Variants in MBNL1 observed in about 807,000 individuals in gnomAD.
The protein encoded by MBNL1 is muscleblind-like protein 1.
A neutral mutation model predicts 42.2 loss-of-function variants in MBNL1; 8 were observed. The observed-to-expected ratio is 0.19, with a 90% CI of 0.11 to 0.34. The LOEUF (loss-of-function observed/expected upper bound fraction) is 0.34, where lower values mean the gene tolerates loss of function less well. MBNL1 is among the 10% of genes least tolerant of loss of function. The pLI, the probability that MBNL1 is intolerant of heterozygous loss-of-function variation, is 1.00. For synonymous variants in MBNL1, 169 were observed against 173.9 expected (o/e 0.97, Z 0.22); for missense variants, 309 against 495.3 (o/e 0.62, Z 3.57).
intron 2 of MBNL1, among the ~76,000 whole-genome samples, chr3:152,402,480 C>T (rs2098268751): frequency 1.3e-5 from 2 of 152,166 alleles, no homozygotes; most frequent in Admixed American, 1.3e-4. Context: ...AACCATTGAG[C>T]TGGGACTGTA....
intron 8 of MBNL1, 118 bp from the exon 9 acceptor site, chr3:152,459,153 C>A: frequency 1.9e-6 from 1 of 537,382 alleles, no homozygotes; most frequent in Non-Finnish European, 3.3e-6. Flanking sequence ...CAGATAAGGA[C>A]TATCACCTCA....
At chr3:152,427,023 C>G (rs2098941830) in intron 3 of MBNL1, among the ~76,000 whole-genome samples, 1 of 152,184 alleles carries the variant, frequency 6.6e-6, no homozygotes, top group Non-Finnish European at 1.5e-5. Flanking sequence ...TCCACTTTAT[C>G]CAGGTAATGG....
intron 2 of MBNL1, among the ~76,000 whole-genome samples, chr3:152,348,746 A>G (rs749475403): frequency 5.3e-5 from 8 of 152,086 alleles, no homozygotes; most frequent in Non-Finnish European, 1.2e-4. Context: ...TTCTAGCCCC[A>G]TTTTCATTTG....
At chr3:152,374,548 C>T (rs1037323694) in intron 2 of MBNL1, among the ~76,000 whole-genome samples, 11 of 152,252 alleles carry the variant, frequency 7.2e-5, no homozygotes, top group Middle Eastern at 3.4e-3. Flanking sequence ...CCTTATATGC[C>T]GTGACCATTC....
Position 152,432,708 on chromosome 3 carries a change from A to AT in MBNL1, c.346-4dup. The AT allele has an allele frequency of 6.2e-7, 1 of 1,613,878 alleles. No individual in the cohort carries two copies. On this transcript the variant is annotated splice_polypyrimidine_tract_variant and intron_variant, in intron 3 of 9. Transcript: ENST00000324210. ...GCATGTTAAATTTTGCTTTTATTTT[A>AT]TTTTTCAGCCAATGTTTTCAGTTGC...
intron 2 of MBNL1, among the ~76,000 whole-genome samples, chr3:152,325,005 G>T (rs1001183312): frequency 7.4e-6 from 1 of 134,898 alleles, no homozygotes; most frequent in South Asian, 2.4e-4. Flanking sequence ...CTGAGACTCA[G>T]TACCTCCCAC....
chr3:152,332,735 T>C (rs113390239), intron 2 of MBNL1, among the ~76,000 whole-genome samples: 6,378 of 119,648 alleles, frequency 0.053, 179 homozygotes, highest in South Asian at 0.099. Context: ...TGTGTGTGTG[T>C]GTGTGCGCGC....
chr3:152,338,413 T>A (rs1292942152), intron 2 of MBNL1: 1 of 985,314 alleles, frequency 1.0e-6, no homozygotes, highest in Non-Finnish European at 1.2e-6. Context: ...CTCCCCCTGC[T>A]GCTACAGTTG....
intron 2 of MBNL1, among the ~76,000 whole-genome samples, chr3:152,408,362 CTGTTA>C (rs1276860301): frequency 1.3e-5 from 2 of 152,046 alleles, no homozygotes; most frequent in African/African-American, 2.4e-5. Context: ...TGTAATGTAT[CTGTTA>C]TAACTACTCT....
chr3:152,299,683 C>G lies in MBNL1; in HGVS notation c.-511C>G, dbSNP rs2059971400. The stretch of plus-strand genomic sequence containing the variant: ...AGGAGGAAAAAAAAAATCATTTTCT[C>G]GATTTTGCTCTAAACTGCTGCATCT... On this transcript the variant is annotated 5_prime_UTR_variant, in exon 2 of 10. Coordinates refer to ENST00000324210, the MANE Select transcript of MBNL1 (RefSeq NM_021038.5). 2.5e-6 allele frequency: 1 copy of G among 398,606 alleles called. No homozygotes were observed. Among genetic ancestry groups the G allele is most frequent in the Non-Finnish European group, 4.4e-6 (1 of 226,086 alleles). 24.7% of individuals were successfully genotyped at this position (398,606 alleles called of 1,614,324 possible).
intron 2 of MBNL1, among the ~76,000 whole-genome samples, chr3:152,336,347 G>T (rs2090167086): frequency 6.6e-6 from 1 of 151,954 alleles, no homozygotes; most frequent in South Asian, 2.1e-4. Context: ...AACTGCAATT[G>T]ATTTTTAATT....
At chr3:152,246,860 T>G (rs1354467626) in intron 2 of MBNL1, among the ~76,000 whole-genome samples, 2 of 152,078 alleles carry the variant, frequency 1.3e-5, no homozygotes, top group African/African-American at 4.8e-5. Context: ...GTTAAATGGA[T>G]GTTCTCCTCC....
At chr3:152,315,887 C>G (rs1409452876) in intron 2 of MBNL1, among the ~76,000 whole-genome samples, 1 of 149,412 alleles carries the variant, frequency 6.7e-6, no homozygotes. Flanking sequence ...CTCTCTCTCT[C>G]ACTCCTCTCT....
intron 6 of MBNL1, among the ~76,000 whole-genome samples, chr3:152,454,154 T>C (rs1729042503): frequency 6.6e-6 from 1 of 152,190 alleles, no homozygotes; most frequent in African/African-American, 2.4e-5. Context: ...TCTTCAAGTG[T>C]CTTAATGCTT....
intron 3 of MBNL1, among the ~76,000 whole-genome samples, chr3:152,427,702 G>A (rs1195754099): frequency 6.6e-6 from 1 of 151,128 alleles, no homozygotes; most frequent in Non-Finnish European, 1.5e-5. Flanking sequence ...CCTTGATTAT[G>A]TGTGCTTTTT....
intron 1 of MBNL1, among the ~76,000 whole-genome samples, chr3:152,274,640 G>T (rs1007194841): frequency 6.6e-6 from 1 of 152,056 alleles, no homozygotes; most frequent in African/African-American, 2.4e-5. Context: ...ATTCTATTCA[G>T]CAATGGTTCC....
chr3:152,306,956 A>C (rs1291206930), intron 2 of MBNL1, among the ~76,000 whole-genome samples: 1 of 152,182 alleles, frequency 6.6e-6, no homozygotes, highest in Non-Finnish European at 1.5e-5. Flanking sequence ...AGAAAACTAA[A>C]ACAGCTTCAT....
At chr3:152,307,108 A>T (rs539396541) in intron 2 of MBNL1, among the ~76,000 whole-genome samples, 74 of 151,770 alleles carry the variant, frequency 4.9e-4, no homozygotes, top group Non-Finnish European at 9.4e-4. Flanking sequence ...TCCTGCCTCA[A>T]CCTCCCGAGT....
At position 152,432,915 on chromosome 3, in the gene MBNL1, C is replaced by G. The variant is rs142621584; in HGVS notation, c.544C>G (p.Leu182Val). 1 of 1,611,260 alleles carries G rather than the reference C, an allele frequency of 6.2e-7. No individual in the cohort carries two copies. Among genetic ancestry groups the G allele is most frequent in the East Asian group, 2.2e-5 (1 of 44,792 alleles). ...ACAGAAATTAATGCGAACAGACAGACTTGAGGTAGGAATGACTAGTTGGTG... is the reference window on the plus strand; with the variant it reads ...ACAGAAATTAATGCGAACAGACAGAGTTGAGGTAGGAATGACTAGTTGGTG... The part of the protein sequence containing the change: ...AAQKLMRTDR[L>V]EVCREYQRGN... The change falls in exon 4 of 10, where the codon CTT becomes GTT. Residue 182 changes from leucine (L) to valine (V), a missense_variant. By Grantham distance (32) the Leu-to-Val change is conservative. Coordinates refer to ENST00000324210, the MANE Select transcript of MBNL1 (RefSeq NM_021038.5).
Sources: gnomAD v4.1 joint callset for allele counts (sites outside exome capture counted in the v4.1 genomes callset) on GRCh38, gnomAD v4.1.1 for gene constraint, MANE v1.5 for transcripts, NCBI Gene and HGNC (gene_info 2026-07-23, HGNC 2026-07-21) for gene names.